Variants in DDX60L observed in about 807,000 individuals in gnomAD.
DDX60L encodes the protein DExD/H-box 60 like, also known as probable ATP-dependent RNA helicase DDX60-like.
DDX60L carries 191 observed loss-of-function variants against 211.6 expected under a neutral mutation model. That is an observed-to-expected ratio of 0.90 (90% confidence interval 0.80 to 1.02). DDX60L has a LOEUF of 1.02. Among genes scored for constraint, DDX60L ranks in the 50% least tolerant of loss-of-function variants. The pLI is 0.00. For synonymous variants in DDX60L, 706 were observed against 694.1 expected, an observed-to-expected ratio of 1.02 and a Z score of -0.27; for missense variants, 2,007 against 1,984.1, an observed-to-expected ratio of 1.01 and a Z score of -0.22.
rs1324536506 is a variant in DDX60L at position 168,461,816 on chromosome 4, T to C, written c.489A>G (p.Ile163Met). ...LQTYLFNFLIIHSWGMKVNVV... is the reference protein window; with the variant it reads ...LQTYLFNFLIMHSWGMKVNVV... ...CATTGACTTTCATTCCCCAGGAATGTATGATTAGGAAGTTAAAAAGGTACG... is the reference window on the plus strand; with the variant it reads ...CATTGACTTTCATTCCCCAGGAATGCATGATTAGGAAGTTAAAAAGGTACG... Residue 163 changes from isoleucine to methionine, a missense_variant, in exon 5 of 38, where the codon ATA (isoleucine) becomes ATG (methionine). By Grantham distance (10) the Ile-to-Met change is conservative (BLOSUM62 1). Coordinates refer to ENST00000682922, the MANE Select transcript of DDX60L (RefSeq NM_001012967.3). 1 of 1,607,176 alleles carries C rather than the reference T, an allele frequency of 6.2e-7. No homozygotes were observed. Among genetic ancestry groups the C allele is most frequent in the Admixed American group, 1.7e-5 (1 of 59,272 alleles).
chr4:168,446,379 G>A (rs1466416518), intron 9 of DDX60L, among the ~76,000 whole-genome samples: 2 of 152,162 alleles, frequency 1.3e-5, no homozygotes, highest in South Asian at 4.1e-4. Flanking sequence ...GGAAATCAAA[G>A]AGGATACAAA....
In DDX60L at chr4:168,357,067, T is replaced by C. The variant is rs890366803; in HGVS notation, c.*1080A>G. 1 of 152,214 alleles carries C rather than the reference T, an allele frequency of 6.6e-6. No homozygotes were observed. Among genetic ancestry groups the C allele is most frequent in the African/African-American group, 2.4e-5 (1 of 41,454 alleles). The allele number at this position is 152,214 out of a possible 1,614,324, so 9.4% of individuals were successfully genotyped here. On this transcript the variant is annotated 3_prime_UTR_variant, in exon 38 of 38. Coordinates refer to ENST00000682922, the MANE Select transcript of DDX60L (RefSeq NM_001012967.3). ...CTGTTTGTTCCCTTATGTTTGTTTG[T>C]ATGCTTGTTTTTTAAGTATGATACT...
chr4:168,472,029 G>T, intron 3 of DDX60L, 93 bp from the exon 4 acceptor site: 2 of 968,166 alleles, frequency 2.1e-6, no homozygotes, highest in Non-Finnish European at 3.1e-6. Flanking sequence ...GCTACTGTTT[G>T]TTGAGTACCT....
At position 168,465,594 on chromosome 4, in the gene DDX60L, C is replaced by G. The variant is rs189314866; in HGVS notation, c.265-3554G>C. On this transcript the variant is annotated intron_variant, in intron 4 of 37. Coordinates refer to ENST00000682922, the MANE Select transcript of DDX60L (RefSeq NM_001012967.3). ...CTAACCAATGTCCTGAAGCATTTCC[C>G]CTATGTTTTTTTCTAATAGTTTCAT... Among the ~76,000 whole-genome samples, 567 of 152,136 alleles carry G rather than the reference C, an allele frequency of 3.7e-3. 2 individuals are homozygous for G. Among genetic ancestry groups the G allele is most frequent in the Non-Finnish European group, 6.1e-3 (416 of 67,950 alleles).
Position 168,416,664 on chromosome 4 carries a change from C to T in DDX60L, c.2726+18G>A, listed in dbSNP as rs762232966. ...AACCACTGAATATATAACAACCACT[C>T]TTTTTACCTATACCTACTTGGTGAG... is the stretch of plus-strand genomic sequence containing the variant. On this transcript the variant is annotated intron_variant, in intron 20 of 37. Coordinates refer to ENST00000682922, the MANE Select transcript of DDX60L (RefSeq NM_001012967.3). 1.5e-5 allele frequency: 22 copies of T among 1,508,512 alleles called. No homozygotes were observed. Among genetic ancestry groups the T allele is most frequent in the African/African-American group, 2.8e-5 (2 of 71,200 alleles). The allele number at this position is 1,508,512 out of a possible 1,614,324, so 93.4% of individuals were successfully genotyped here. A position where few individuals can be genotyped will look rare whatever the true frequency, so the allele number is the denominator to read the frequency against.
chr4:168,408,299 A>G (rs914074560), intron 22 of DDX60L, among the ~76,000 whole-genome samples: 4 of 152,218 alleles, frequency 2.6e-5, no homozygotes, highest in Non-Finnish European at 4.4e-5. Flanking sequence ...TGTTGTGAGG[A>G]TTAAATGATA....
chr4:168,398,559 A>G (rs1250252953), intron 26 of DDX60L, among the ~76,000 whole-genome samples: 1 of 152,186 alleles, frequency 6.6e-6, no homozygotes, highest in Non-Finnish European at 1.5e-5. Flanking sequence ...TCAAGCTGAG[A>G]AAGGCCTGAA....
chr4:168,448,688 T>A lies in DDX60L; in HGVS notation c.1088A>T (p.Glu363Val). 6.3e-7 allele frequency: 1 copy of A among 1,597,884 alleles called. No individual in the cohort carries two copies. The highest frequency in any genetic ancestry group is 8.6e-7 in the Non-Finnish European group (1 of 1,167,428). Residue 363 changes from glutamate to valine, a missense_variant, in exon 9 of 38, where the codon GAG (glutamate) becomes GTG (valine). Glu to Val is a moderately radical substitution (Grantham distance 121, BLOSUM62 -2). Transcript: ENST00000682922. ...GAAGGCTATATTCTTTAACAATTGC[T>A]CATCATACAAGTCAGAAACATGATT... Reference protein sequence around the residue: ...NLNHVSDLYDEQLLKNIAFYY... With the variant: ...NLNHVSDLYDVQLLKNIAFYY...
rs1285437691 is a variant in DDX60L, at chr4:168,394,523, C to T, written c.3752G>A (p.Ser1251Asn). The change falls in exon 28 of 38, where the codon AGC becomes AAC. Residue 1251 changes from serine to asparagine, a missense_variant. Ser to Asn is a conservative substitution (Grantham distance 46). Transcript: ENST00000682922. The stretch of plus-strand genomic sequence containing the variant: ...AAACTCTTTTTCTTTAAAATACATG[C>T]TGCTGTGATGATATCCAATCCCCCT... ...AQRGIGYHHS[S>N]MYFKEKEFVE... 2 of 1,613,084 alleles carry T rather than the reference C, an allele frequency of 1.2e-6. No individual in the cohort carries two copies. The highest frequency in any genetic ancestry group is 1.7e-6 in the Non-Finnish European group (2 of 1,179,422).
intron 29 of DDX60L, among the ~76,000 whole-genome samples, chr4:168,385,888 G>A (rs926872261): frequency 1.3e-5 from 2 of 151,936 alleles, no homozygotes; most frequent in Non-Finnish European, 2.9e-5. Context: ...AATGGAATCT[G>A]CTCTAAAGGA....
chr4:168,375,552 T>C, intron 33 of DDX60L, 28 bp from the exon 34 acceptor site: 1 of 1,555,416 alleles, frequency 6.4e-7, no homozygotes, highest in Non-Finnish European at 8.7e-7. Flanking sequence ...TTCAGAAAGA[T>C]CTCTTTACTT....
Position 168,415,734 on chromosome 4 carries a change from G to T in DDX60L, c.2792C>A (p.Ser931Tyr). 1 of 1,598,924 alleles carries T rather than the reference G, an allele frequency of 6.3e-7. No homozygotes were observed. Among genetic ancestry groups the T allele is most frequent in the South Asian group, 1.1e-5 (1 of 88,678 alleles). Residue 931 changes from serine (S) to tyrosine (Y), a missense_variant, in exon 21 of 38, where the codon TCT (serine) becomes TAT (tyrosine). By Grantham distance (144) the Ser-to-Tyr change is moderately radical. Transcript: ENST00000682922. ...ADKIMEEKCI[S>Y]EKQADKCLNF... Reference sequence around the variant, plus strand: ...GAGACATTTGTCAGCCTGTTTTTCAGAAATACATTTCTCTTCCATAATCTT... The same window carrying T: ...GAGACATTTGTCAGCCTGTTTTTCATAAATACATTTCTCTTCCATAATCTT...
chr4:168,433,398 T>C (rs1172403988), intron 10 of DDX60L, among the ~76,000 whole-genome samples: 1 of 152,136 alleles, frequency 6.6e-6, no homozygotes, highest in East Asian at 1.9e-4. Flanking sequence ...TATTCTTTTT[T>C]ATTATGTCAC....
chr4:168,364,339 A>C (rs1209484977), intron 36 of DDX60L, among the ~76,000 whole-genome samples: 4 of 152,232 alleles, frequency 2.6e-5, no homozygotes, highest in Non-Finnish European at 5.9e-5. Flanking sequence ...TAAAGGAATC[A>C]ATTCAACAAG....
rs532124763 is a variant in DDX60L at position 168,456,159 on chromosome 4, A to G, written c.724-7T>C. The stretch of plus-strand genomic sequence containing the variant: ...GAAATAGAGTCTGATACGCCTATCA[A>G]AAAAGAAATTTCTTCAAATGTCAAA... On this transcript the variant is annotated splice_polypyrimidine_tract_variant and splice_region_variant and intron_variant, in intron 6 of 37. Coordinates refer to ENST00000682922, the MANE Select transcript of DDX60L (RefSeq NM_001012967.3). 476 of 1,510,758 alleles carry G rather than the reference A, an allele frequency of 3.2e-4. 6 individuals are homozygous for G. In the South Asian group the frequency reaches 5.0e-3, roughly 16 times the overall value. The allele number at this position is 1,510,758 out of a possible 1,614,324, so 93.6% of individuals were successfully genotyped here.
rs542645473 is a variant in DDX60L at position 168,439,110 on chromosome 4, T to C, written c.1294+2227A>G. Among the ~76,000 whole-genome samples the C allele has an allele frequency of 2.0e-5, 3 of 152,276 alleles. No homozygotes were observed. The South Asian group carries it at 6.2e-4, about 32-fold the overall frequency. ...AAGTGTGATTTCGTTAGTGCCTTTA[T>C]TGGGAGATTAAGTATGGTTTAAGGA... On this transcript the variant is annotated intron_variant, in intron 10 of 37. Coordinates refer to ENST00000682922, the MANE Select transcript of DDX60L (RefSeq NM_001012967.3).
Position 168,404,054 on chromosome 4 carries a change from T to C in DDX60L, c.3266A>G (p.Asp1089Gly), listed in dbSNP as rs1260025656. The change falls in exon 25 of 38, where the codon GAT (aspartate) becomes GGT (glycine). Residue 1089 changes from aspartate to glycine, a missense_variant. Coordinates refer to ENST00000682922, the MANE Select transcript of DDX60L (RefSeq NM_001012967.3). Reference sequence around the variant, plus strand: ...AAGAAGAGGAAACATTTTCACCATATCTTTTGAACTAGACAATGAATCCGG... The same window carrying C: ...AAGAAGAGGAAACATTTTCACCATACCTTTTGAACTAGACAATGAATCCGG... ...LSPDSLSSSK[D>G]MVKMFPLLVE... 1 of 1,458,896 alleles carries C rather than the reference T, an allele frequency of 6.9e-7. No individual in the cohort carries two copies. The highest frequency in any genetic ancestry group is 9.2e-7 in the Non-Finnish European group (1 of 1,092,660). The allele number at this position is 1,458,896 out of a possible 1,614,324, so 90.4% of individuals were successfully genotyped here.
intron 37 of DDX60L, 148 bp from the exon 38 acceptor site, chr4:168,358,424 AC>A: frequency 3.4e-6 from 2 of 583,966 alleles, no homozygotes; most frequent in Non-Finnish European, 5.7e-6. Context: ...AATAAAATGC[AC>A]AGTTATCTTG....
chr4:168,427,781 T>C lies in DDX60L; in HGVS notation c.1678-459A>G, dbSNP rs185913641. On this transcript the variant is annotated intron_variant, in intron 13 of 37. Transcript: ENST00000682922. ...CGGTCTAAGCAGACATTAGTCAATG[T>C]GGGGAAAAAAACAGAAATCCCACTG... Among the ~76,000 whole-genome samples the C allele has an allele frequency of 3.2e-3, 483 of 152,300 alleles. 1 individual carries two copies. Among genetic ancestry groups the C allele is most frequent in the African/African-American group, 0.011 (457 of 41,570 alleles).
Sources: allele counts gnomAD v4.1 joint callset (sites outside exome capture counted in the v4.1 genomes callset), GRCh38; gene constraint gnomAD v4.1.1; transcripts MANE v1.5; gene names NCBI Gene and HGNC (gene_info 2026-07-23, HGNC 2026-07-21).